The following EHBP1 variants were observed in gnomAD, a reference collection of about 807,000 sequenced individuals.
The protein encoded by EHBP1 is EH domain binding protein 1, also known as EH domain-binding protein 1.
EHBP1 carries 55 observed loss-of-function variants against 144.0 expected under a neutral mutation model. The observed-to-expected ratio is 0.38, with a 90% CI of 0.31 to 0.48. The LOEUF (loss-of-function observed/expected upper bound fraction) is 0.48, where lower values mean the gene tolerates loss of function less well. EHBP1 is among the 20% of genes least tolerant of loss of function. EHBP1 has a pLI of 0.98. For missense variants in EHBP1, 1,200 were observed against 1,364.2 expected (o/e 0.88, Z 1.90); for synonymous variants, 469 against 472.7 (o/e 0.99, Z 0.10).
chr2:62,745,115 T>TTATA (rs1428362753), intron 2 of EHBP1, among the ~76,000 whole-genome samples: 1 of 152,084 alleles, frequency 6.6e-6, no homozygotes, highest in African/African-American at 2.4e-5. Flanking sequence ...ACCTCATCAA[T>TTATA]TATAATTAAC....
At chr2:63,014,437 T>C (rs889748782) in intron 19 of EHBP1, among the ~76,000 whole-genome samples, 6 of 152,234 alleles carry the variant, frequency 3.9e-5, no homozygotes, top group Non-Finnish European at 8.8e-5. Flanking sequence ...CATACTTGTT[T>C]AGGGCATAAA....
intron 3 of EHBP1, among the ~76,000 whole-genome samples, chr2:62,756,923 G>A (rs1573169732): frequency 6.6e-6 from 1 of 152,084 alleles, no homozygotes; most frequent in East Asian, 1.9e-4. Context: ...TTGAGAGTGA[G>A]ATCCATGACA....
chr2:62,980,896 C>A (rs2058937301), intron 15 of EHBP1, among the ~76,000 whole-genome samples: 1 of 147,122 alleles, frequency 6.8e-6, no homozygotes. Flanking sequence ...CCAACTCACG[C>A]CCACTAAAAA....
intron 3 of EHBP1, among the ~76,000 whole-genome samples, chr2:62,759,906 T>C (rs900623604): frequency 6.6e-6 from 1 of 152,142 alleles, no homozygotes; most frequent in African/African-American, 2.4e-5. Flanking sequence ...TTTTTTTTGG[T>C]CAGATTTTCC....
chr2:62,899,718 C>T (rs2053242767), intron 10 of EHBP1, among the ~76,000 whole-genome samples: 1 of 152,214 alleles, frequency 6.6e-6, no homozygotes, highest in Non-Finnish European at 1.5e-5. Flanking sequence ...AAATCTTTGA[C>T]ATAGGACATT....
rs560529466 is a variant in EHBP1 at position 62,875,338 on chromosome 2, C to T, written c.1185+806C>T. The stretch of plus-strand genomic sequence containing the variant: ...GATAACAAAGCCGTGGGTCTGGTAC[C>T]AGGCCCTGTGGGTTAGAGCATGCAG... On this transcript the variant is annotated intron_variant, in intron 10 of 22. Transcript: ENST00000431489. Among the ~76,000 whole-genome samples, 57 of 152,306 alleles carry T rather than the reference C, an allele frequency of 3.7e-4. 1 individual carries two copies. Among genetic ancestry groups the T allele is most frequent in the Admixed American group, 3.7e-3 (56 of 15,302 alleles).
At chr2:62,685,331 AAAG>A (rs2033682688) in intron 1 of EHBP1, among the ~76,000 whole-genome samples, 1 of 152,138 alleles carries the variant, frequency 6.6e-6, no homozygotes, top group African/African-American at 2.4e-5. Flanking sequence ...AAATAGAAAA[AAAG>A]AAGTCTGAGA....
intron 4 of EHBP1, among the ~76,000 whole-genome samples, chr2:62,766,066 A>G (rs2041160688): frequency 6.6e-6 from 1 of 152,190 alleles, no homozygotes; most frequent in African/African-American, 2.4e-5. Context: ...TATCCTACCT[A>G]TGTGAATTTA....
intron 7 of EHBP1, among the ~76,000 whole-genome samples, chr2:62,841,032 C>A (rs1232254389): frequency 1.3e-5 from 2 of 152,130 alleles, no homozygotes; most frequent in Non-Finnish European, 2.9e-5. Flanking sequence ...TATAAAGAGA[C>A]ATGCACACAT....
rs576130558 is a variant in EHBP1 at position 62,794,828 on chromosome 2, C to T, written c.312+23436C>T. 2.6e-5 allele frequency among the ~76,000 whole-genome samples: 4 copies of T among 152,102 alleles called. No homozygotes were observed. The East Asian group carries it at 7.7e-4, about 29-fold the overall frequency. On this transcript the variant is annotated intron_variant, in intron 5 of 22. Transcript: ENST00000431489. ...TTTCTAAAAAGGTGGAAAAACTCTACACTTCAAACTACTTAAATGTTTTTA... is the reference window on the plus strand; with the variant it reads ...TTTCTAAAAAGGTGGAAAAACTCTATACTTCAAACTACTTAAATGTTTTTA...
intron 19 of EHBP1, among the ~76,000 whole-genome samples, chr2:63,023,690 G>A (rs2710648): frequency 0.82 from 124,293 of 152,092 alleles, 51,169 homozygotes; most frequent in African/African-American, 0.92. Context: ...AAGCACTAAC[G>A]TTTCTTCCCT....
intron 4 of EHBP1, among the ~76,000 whole-genome samples, chr2:62,770,649 A>G (rs1306961871): frequency 2.0e-5 from 3 of 152,192 alleles, no homozygotes; most frequent in Non-Finnish European, 4.4e-5. Context: ...CAGCAATCCC[A>G]TTACCGGGTA....
At chr2:62,697,266 G>A (rs970294405) in intron 1 of EHBP1, among the ~76,000 whole-genome samples, 5 of 152,158 alleles carry the variant, frequency 3.3e-5, no homozygotes, top group African/African-American at 1.2e-4. Context: ...AAATAATAAT[G>A]TAAATACTAC....
intron 14 of EHBP1, among the ~76,000 whole-genome samples, chr2:62,977,125 T>C (rs1416697195): frequency 1.3e-5 from 2 of 151,790 alleles, no homozygotes; most frequent in Non-Finnish European, 2.9e-5. Context: ...CACCATTGCC[T>C]GATTAATCTT....
chr2:62,957,263 T>C (rs1417389498), intron 14 of EHBP1, among the ~76,000 whole-genome samples: 1 of 152,002 alleles, frequency 6.6e-6, no homozygotes, highest in Non-Finnish European at 1.5e-5. Context: ...TAGAAAAAGG[T>C]TGGAAAAATA....
chr2:62,683,450 G>C (rs748104357), intron 1 of EHBP1, among the ~76,000 whole-genome samples: 13 of 152,026 alleles, frequency 8.6e-5, no homozygotes, highest in Non-Finnish European at 1.5e-4. Flanking sequence ...ACGAGGTCAG[G>C]AGATCGAGAC....
rs143398974 is a variant in EHBP1, at chr2:62,774,641, C to T, written c.312+3249C>T. Among the ~76,000 whole-genome samples the T allele has an allele frequency of 1.8e-3, 279 of 152,034 alleles. 1 individual carries two copies. Among genetic ancestry groups the T allele is most frequent in the African/African-American group, 5.5e-3 (230 of 41,486 alleles). Reference sequence around the variant, plus strand: ...ATGGTGGTGTATAAAACATATGATTCAAGACCAGCCTGGGCAACACAAAGG... The same window carrying T: ...ATGGTGGTGTATAAAACATATGATTTAAGACCAGCCTGGGCAACACAAAGG... On this transcript the variant is annotated intron_variant, in intron 5 of 22. Transcript: ENST00000431489.
chr2:62,947,854 T>G (rs989122119), intron 12 of EHBP1, among the ~76,000 whole-genome samples: 1 of 152,210 alleles, frequency 6.6e-6, no homozygotes, highest in South Asian at 2.1e-4. Flanking sequence ...TAGTAGTTCT[T>G]TTGACTTATC....
At chr2:62,703,865 G>A (rs986423627), upstream of EHBP1, among the ~76,000 whole-genome samples, 2 of 152,102 alleles carry the variant, frequency 1.3e-5, no homozygotes, top group African/African-American at 4.8e-5. Context: ...TGGAGTAAGG[G>A]AAGCATGTTA....
Sources: gnomAD v4.1 joint callset for allele counts (sites outside exome capture counted in the v4.1 genomes callset) on GRCh38, gnomAD v4.1.1 for gene constraint, MANE v1.5 for transcripts, NCBI Gene and HGNC (gene_info 2026-07-23, HGNC 2026-07-21) for gene names.